The following TDRD12 variants were observed in gnomAD, a reference collection of about 807,000 sequenced individuals.
The protein encoded by TDRD12 is putative ATP-dependent RNA helicase TDRD12.
A neutral mutation model predicts 133.5 loss-of-function variants in TDRD12; 158 were observed. The ratio of observed to expected loss-of-function variants is 1.18; its 90% CI spans 1.04 to 1.35. The LOEUF (loss-of-function observed/expected upper bound fraction) is 1.35. Among genes scored for constraint, TDRD12 ranks in the 40% most tolerant of loss-of-function variants. TDRD12 has a pLI of 0.00. For missense variants in TDRD12, 1,443 were observed against 1,321.3 expected (o/e 1.09, Z -1.43); for synonymous variants, 460 against 477.9 (o/e 0.96, Z 0.49).
intron 23 of TDRD12, among the ~76,000 whole-genome samples, chr19:32,810,643 C>T (rs960483347): frequency 2.0e-5 from 3 of 152,224 alleles, no homozygotes; most frequent in African/African-American, 7.2e-5. Context: ...TAGTTTGTTC[C>T]AACCTGGTCA....
At chr19:32,823,531 G>A (rs1473726103), downstream of TDRD12, among the ~76,000 whole-genome samples, 2 of 152,198 alleles carry the variant, frequency 1.3e-5, no homozygotes, top group Non-Finnish European at 2.9e-5. Context: ...GGCTGGTGAG[G>A]TGAGAGGTGC....
intron 21 of TDRD12, 147 bp downstream of exon 21, chr19:32,803,289 C>T (rs541805793): frequency 4.6e-5 from 28 of 603,216 alleles, no homozygotes; most frequent in South Asian, 3.2e-4. Flanking sequence ...CTCTTCCCCA[C>T]GTGCCCTCCC....
At chr19:32,756,959 A>G in intron 7 of TDRD12, 79 bp from the exon 8 acceptor site, 2 of 1,225,846 alleles carry the variant, frequency 1.6e-6, no homozygotes, top group East Asian at 5.1e-5. Context: ...CAAGAGCAGA[A>G]GTAATGTACT....
intron 8 of TDRD12, among the ~76,000 whole-genome samples, chr19:32,763,407 T>G (rs779465184): frequency 6.6e-6 from 1 of 152,162 alleles, no homozygotes; most frequent in Non-Finnish European, 1.5e-5. Flanking sequence ...TCTCACCTTA[T>G]GTGGGACAGG....
rs557192632 is a variant in TDRD12, at chr19:32,751,550, C to T, written c.582+1681C>T. Among the ~76,000 whole-genome samples, 312 of 151,814 alleles carry T rather than the reference C, an allele frequency of 2.1e-3. 2 individuals are homozygous for T. The highest frequency in any genetic ancestry group is 7.3e-3 in the African/African-American group (302 of 41,424). ...CCTCTACATTTTTCTCCTCTCCTCTCCTCTCCCTTCCCTTCCCCTCTCCTT... is the reference window on the plus strand; with the variant it reads ...CCTCTACATTTTTCTCCTCTCCTCTTCTCTCCCTTCCCTTCCCCTCTCCTT... On this transcript the variant is annotated intron_variant, in intron 6 of 27. Coordinates refer to ENST00000444215, the Ensembl canonical transcript of TDRD12.
At chr19:32,767,949 T>G (rs567859987) in intron 8 of TDRD12, among the ~76,000 whole-genome samples, 44 of 152,346 alleles carry the variant, frequency 2.9e-4, no homozygotes, top group African/African-American at 9.4e-4. Flanking sequence ...CATTTTTAAA[T>G]AGTTGAAAAA....
intron 6 of TDRD12, among the ~76,000 whole-genome samples, chr19:32,754,427 T>A (rs1410156356): frequency 6.6e-6 from 1 of 152,016 alleles, no homozygotes; most frequent in African/African-American, 2.4e-5. Context: ...ACCACTGCAC[T>A]CCAGTCTGGG....
In TDRD12 at chr19:32,733,668, TA is replaced by T. The variant is rs368296971; in HGVS notation, c.183+1786del. Among the ~76,000 whole-genome samples the T allele has an allele frequency of 7.4e-4, 112 of 152,164 alleles. 1 individual carries two copies. The South Asian group carries it at 0.011, about 15-fold the overall frequency. On this transcript the variant is annotated intron_variant, in intron 2 of 27. Coordinates refer to ENST00000444215, the Ensembl canonical transcript of TDRD12. ...GACATCCTGACCCTCCTTGTGGCCT[TA>T]CCTGTCAGCATTCATGTGATGGCTT... is the stretch of plus-strand genomic sequence containing the variant.
chr19:32,749,727 T>C (rs968279729), intron 5 of TDRD12, 57 bp from the exon 6 acceptor site: 83 of 1,327,926 alleles, frequency 6.3e-5, no homozygotes, highest in African/African-American at 2.8e-4. Context: ...ATCGTCATGA[T>C]TGTTTCAAAT....
intron 6 of TDRD12, among the ~76,000 whole-genome samples, chr19:32,754,259 C>T (rs537023899): frequency 7.2e-5 from 11 of 152,162 alleles, no homozygotes; most frequent in South Asian, 4.1e-4. Context: ...GCTTGAGCTC[C>T]GGAGTTTGAG....
At chr19:32,719,822 A>G (rs1361974481) in exon 1 of TDRD12, 4 of 559,964 alleles carry the variant, frequency 7.1e-6, no homozygotes, top group South Asian at 2.0e-5. Flanking sequence ...CCAGGCAGGC[A>G]GGGATCCCGC....
chr19:32,820,347 A>AG, intron 27 of TDRD12, among the ~76,000 whole-genome samples: 2 of 152,276 alleles, frequency 1.3e-5, no homozygotes, highest in South Asian at 4.1e-4. Context: ...CCCACGAGGA[A>AG]GGGAGCTGGC....
At chr19:32,775,738 T>C (rs1970563690) in intron 10 of TDRD12, among the ~76,000 whole-genome samples, 1 of 152,144 alleles carries the variant, frequency 6.6e-6, no homozygotes, top group Non-Finnish European at 1.5e-5. Context: ...CCTTTTCTTC[T>C]TGTGGAGTGA....
chr19:32,769,029 C>T (rs1402778439), intron 8 of TDRD12, among the ~76,000 whole-genome samples: 1 of 152,132 alleles, frequency 6.6e-6, no homozygotes, highest in Non-Finnish European at 1.5e-5. Context: ...AGGTGCAAGC[C>T]ACTGTGCCTG....
At chr19:32,731,995 T>C (rs145037814) in intron 2 of TDRD12, 112 bp downstream of exon 2, 2 of 1,117,790 alleles carry the variant, frequency 1.8e-6, no homozygotes, top group Non-Finnish European at 2.5e-6. Flanking sequence ...TTTCTTACAC[T>C]CAGTGCCTTG....
At chr19:32,729,146 G>A (rs531930058) in intron 1 of TDRD12, among the ~76,000 whole-genome samples, 7 of 146,038 alleles carry the variant, frequency 4.8e-5, no homozygotes, top group Non-Finnish European at 7.5e-5. Flanking sequence ...TTAAGTCCTC[G>A]CCTGTTAATT....
intron 6 of TDRD12, among the ~76,000 whole-genome samples, chr19:32,752,215 T>G (rs1969851172): frequency 6.6e-6 from 1 of 151,916 alleles, no homozygotes; most frequent in East Asian, 1.9e-4. Context: ...GTTTCATTCT[T>G]GTTGCCCAGG....
chr19:32,778,155 G>A (rs191237752), intron 11 of TDRD12, among the ~76,000 whole-genome samples: 2 of 152,022 alleles, frequency 1.3e-5, no homozygotes, highest in Non-Finnish European at 2.9e-5. Flanking sequence ...GTTGGCCTTG[G>A]GGGTTGGAGC....
chr19:32,724,985 CAT>C (rs1968812777), intron 1 of TDRD12, among the ~76,000 whole-genome samples: 3 of 152,170 alleles, frequency 2.0e-5, no homozygotes, highest in South Asian at 2.1e-4. Flanking sequence ...AGCTTTTTTT[CAT>C]ATGTTTGTTG....
Sources: gnomAD v4.1 joint callset for allele counts (sites outside exome capture counted in the v4.1 genomes callset) on GRCh38, gnomAD v4.1.1 for gene constraint, MANE v1.5 for transcripts, NCBI Gene and HGNC (gene_info 2026-07-23, HGNC 2026-07-21) for gene names.